Variants in ACSBG1 observed in about 807,000 individuals in gnomAD.
ACSBG1 encodes acyl-CoA synthetase bubblegum family member 1, also known as long-chain-fatty-acid--CoA ligase ACSBG1.
A neutral mutation model predicts 80.2 loss-of-function variants in ACSBG1; 39 were observed. That is an observed-to-expected ratio of 0.49 (90% CI 0.38 to 0.64). The LOEUF is 0.64. Among genes scored for constraint, ACSBG1 ranks in the 30% least tolerant of loss-of-function variants. The pLI is 0.00. For synonymous variants in ACSBG1, 392 were observed against 379.5 expected (o/e 1.03, Z -0.38); for missense variants, 828 against 966.4 (o/e 0.86, Z 1.90).
intron 2 of ACSBG1, among the ~76,000 whole-genome samples, chr15:78,197,981 A>G (rs1216999784): frequency 6.6e-6 from 1 of 152,152 alleles, no homozygotes; most frequent in Non-Finnish European, 1.5e-5. Flanking sequence ...AGCAGAGGTG[A>G]GTCTTGGGAT....
At position 78,179,561 on chromosome 15, in the gene ACSBG1, G is replaced by T. The variant is rs1011096168; in HGVS notation, c.1473C>A (p.Tyr491Ter). 6 of 1,612,772 alleles carry T rather than the reference G, an allele frequency of 3.7e-6. No homozygotes were observed. The Admixed American group carries it at 8.3e-5, about 22-fold the overall frequency. Residue 491 changes from tyrosine to a stop codon, truncating the protein, a stop_gained, in exon 10 of 14, where the codon TAC (tyrosine) becomes TAA (stop). Coordinates refer to ENST00000258873, the MANE Select transcript of ACSBG1 (RefSeq NM_015162.5). LOFTEE classifies it high-confidence loss of function. ...GCCTCGAGCCTCACCTGTACAGCCG[G>T]TAGTTGTAGGGACTGGACATGAAGT... ...GPHFMSSPYN[Y>*]RLYSSGKLVP...
rs1048969131 is a variant in ACSBG1, at chr15:78,194,601, T to C, written c.358A>G (p.Ile120Val). Residue 120 changes from isoleucine to valine, a missense_variant, in exon 3 of 14, where the codon ATC becomes GTC. By Grantham distance (29) the Ile-to-Val change is conservative. Around this residue, in one of 3 missense-constraint regions of ACSBG1, gnomAD observed 356 missense variants for 363.5 expected, o/e 0.98. Coordinates refer to ENST00000258873, the MANE Select transcript of ACSBG1 (RefSeq NM_015162.5). The stretch of plus-strand genomic sequence containing the variant: ...TCCTGGCGCTTGAAGCCCAAAGCGA[T>C]GAGGTCCCCATACTTATCCAGGGCC... ...YEALDKYGDL[I>V]ALGFKRQDKW... 2.5e-6 allele frequency: 4 copies of C among 1,614,266 alleles called. No individual in the cohort carries two copies. Among genetic ancestry groups the C allele is most frequent in the Non-Finnish European group, 3.4e-6 (4 of 1,180,040 alleles).
In ACSBG1 at chr15:78,167,577, A is replaced by G. The variant is rs2141305153; in HGVS notation, c.*3867T>C. On this transcript the variant is annotated 3_prime_UTR_variant, in exon 14 of 14. Transcript: ENST00000258873. Reference sequence around the variant, plus strand: ...GTTCAATAATGTTAAGTACATTCACATTGTAATGTAACCATCACCATCAGT... The same window carrying G: ...GTTCAATAATGTTAAGTACATTCACGTTGTAATGTAACCATCACCATCAGT... 6.6e-6 allele frequency: 1 copy of G among 152,346 alleles called. No individual in the cohort carries two copies. The highest frequency in any genetic ancestry group is 6.5e-5 in the Admixed American group (1 of 15,300). 9.4% of individuals were successfully genotyped at this position (152,346 alleles called of 1,614,324 possible). A position where few individuals can be genotyped will look rare whatever the true frequency, so the allele number is the denominator to read the frequency against.
Position 78,181,978 on chromosome 15 carries a change from G to T in ACSBG1, c.1062C>A (p.Asp354Glu). The T allele has an allele frequency of 6.2e-7, 1 of 1,613,790 alleles. No homozygotes were observed. The highest frequency in any genetic ancestry group is 8.5e-7 in the Non-Finnish European group (1 of 1,179,852). ...GTAAAGGCAGACTGACCTTCAGGGCGTCGGGTTCGGCAAAGCAAACCTGGG... is the reference window on the plus strand; with the variant it reads ...GTAAAGGCAGACTGACCTTCAGGGCTTCGGGTTCGGCAAAGCAAACCTGGG... ...WGAQVCFAEPDALKGSLVNTL... is the reference protein window; with the variant it reads ...WGAQVCFAEPEALKGSLVNTL... The change falls in exon 8 of 14, where the codon GAC becomes GAA. Residue 354 changes from aspartate (D) to glutamate (E), a missense_variant. Transcript: ENST00000258873.
chr15:78,188,065 C>T (rs973437945), intron 5 of ACSBG1, among the ~76,000 whole-genome samples: 2 of 152,180 alleles, frequency 1.3e-5, no homozygotes, highest in Non-Finnish European at 2.9e-5. Flanking sequence ...TGCGTGAACT[C>T]CCATTCACAA....
chr15:78,212,420 G>A (rs1397059504), intron 1 of ACSBG1: 1 of 378,048 alleles, frequency 2.6e-6, no homozygotes, highest in Non-Finnish European at 5.3e-6. Flanking sequence ...GCAAGATTGA[G>A]AGGGTGACCA....
At chr15:78,219,162 T>A (rs2075338437) in intron 1 of ACSBG1, among the ~76,000 whole-genome samples, 1 of 152,194 alleles carries the variant, frequency 6.6e-6, no homozygotes, top group Admixed American at 6.5e-5. Flanking sequence ...GGTGAAGCTC[T>A]ATGAGGTCCT....
intron 5 of ACSBG1, among the ~76,000 whole-genome samples, chr15:78,190,874 A>G (rs1468157684): frequency 6.7e-6 from 1 of 150,110 alleles, no homozygotes; most frequent in Non-Finnish European, 1.5e-5. Context: ...AACAAGATAA[A>G]AAAGACAAAA....
chr15:78,175,364 C>T (rs916140265), intron 11 of ACSBG1, among the ~76,000 whole-genome samples: 4 of 152,244 alleles, frequency 2.6e-5, no homozygotes, highest in African/African-American at 9.6e-5. Context: ...ATTCTGTGCA[C>T]AGGTCCTGTG....
At chr15:78,229,891 G>A (rs546967299) in intron 1 of ACSBG1, among the ~76,000 whole-genome samples, 22 of 152,272 alleles carry the variant, frequency 1.4e-4, no homozygotes, top group African/African-American at 5.1e-4. Flanking sequence ...CTAGGCCCAG[G>A]AGTTAGCCGG....
chr15:78,233,681 G>A (rs2075468184), intron 1 of ACSBG1, among the ~76,000 whole-genome samples: 1 of 152,260 alleles, frequency 6.6e-6, no homozygotes, highest in East Asian at 1.9e-4. Flanking sequence ...TGGGGTCCTG[G>A]AGTTCCGTGT....
At chr15:78,234,294 C>A in intron 1 of ACSBG1, 77 bp downstream of exon 1, 2 of 1,547,734 alleles carry the variant, frequency 1.3e-6, no homozygotes, top group South Asian at 1.2e-5. Context: ...AAGCAGCTTG[C>A]CCAAGTTCAC....
rs1335399022 is a variant in ACSBG1, at chr15:78,181,969, C to T, written c.1071G>A (p.Lys357=). The T allele has an allele frequency of 6.8e-6, 11 of 1,613,440 alleles. No homozygotes were observed. The highest frequency in any genetic ancestry group is 9.3e-6 in the Non-Finnish European group (11 of 1,179,634). ...QVCFAEPDAL[K]GSLVNTLREV... Reference sequence around the variant, plus strand: ...GGACACACGGTAAAGGCAGACTGACCTTCAGGGCGTCGGGTTCGGCAAAGC... The same window carrying T: ...GGACACACGGTAAAGGCAGACTGACTTTCAGGGCGTCGGGTTCGGCAAAGC... Residue 357 remains lysine, a splice_region_variant and synonymous_variant, in exon 8 of 14, where the codon AAG becomes AAA. Coordinates refer to ENST00000258873, the MANE Select transcript of ACSBG1 (RefSeq NM_015162.5).
At chr15:78,230,455 G>A (rs1025070053) in intron 1 of ACSBG1, among the ~76,000 whole-genome samples, 36 of 152,186 alleles carry the variant, frequency 2.4e-4, no homozygotes, top group Admixed American at 2.3e-3. Flanking sequence ...GCCCCTCTCA[G>A]GCTATGGAGG....
intron 9 of ACSBG1, 90 bp from the exon 10 acceptor site, chr15:78,179,870 G>T (rs1464822372): frequency 3.5e-6 from 4 of 1,133,902 alleles, no homozygotes; most frequent in Admixed American, 4.3e-5. Flanking sequence ...GTGGTATGGT[G>T]GTATTCAGTG....
rs897332948 is a variant in ACSBG1 at position 78,167,632 on chromosome 15, C to T, written c.*3812G>A. 1.4e-4 allele frequency: 22 copies of T among 152,216 alleles called. No homozygotes were observed. The highest frequency in any genetic ancestry group is 5.3e-4 in the African/African-American group (22 of 41,452). The allele number at this position is 152,216 out of a possible 1,614,324, so 9.4% of individuals were successfully genotyped here. A position where few individuals can be genotyped will look rare whatever the true frequency, so the allele number is the denominator to read the frequency against. ...TCCAGACCAGTTTCATTTTCTCAAA[C>T]TGAGACTCTGCACCCGTTAAACAGT... On this transcript the variant is annotated 3_prime_UTR_variant, in exon 14 of 14. Coordinates refer to ENST00000258873, the MANE Select transcript of ACSBG1 (RefSeq NM_015162.5).
At chr15:78,171,629 A>G (rs754748815) in intron 13 of ACSBG1, 100 bp from the exon 14 acceptor site, 21 of 982,176 alleles carry the variant, frequency 2.1e-5, no homozygotes, top group Non-Finnish European at 3.1e-5. Flanking sequence ...ATAACTCAGG[A>G]ATTAAGCCAG....
intron 1 of ACSBG1, among the ~76,000 whole-genome samples, chr15:78,229,319 CTG>C (rs749926038): frequency 2.6e-5 from 4 of 152,220 alleles, no homozygotes; most frequent in Admixed American, 1.3e-4. Context: ...CATGAAACAA[CTG>C]TGTTTTTTAC....
intron 11 of ACSBG1, among the ~76,000 whole-genome samples, chr15:78,175,381 T>G (rs2074872545): frequency 6.6e-6 from 1 of 152,222 alleles, no homozygotes; most frequent in African/African-American, 2.4e-5. Flanking sequence ...TGTGCTGACA[T>G]CAGGCACAGA....
Sources: gnomAD v4.1 joint callset for allele counts (sites outside exome capture counted in the v4.1 genomes callset) on GRCh38, gnomAD v4.1.1 for gene constraint, gnomAD v4.1.1 regional missense constraint, MANE v1.5 for transcripts, NCBI Gene and HGNC (gene_info 2026-07-23, HGNC 2026-07-21) for gene names.